FAT3: variants seen among roughly 807,000 people sequenced by gnomAD.
FAT3 encodes the protein protocadherin Fat 3.
In FAT3, 95 loss-of-function variants were observed where a neutral mutation model predicts 310.2. The ratio of observed to expected loss-of-function variants is 0.31; its 90% CI spans 0.26 to 0.36. The LOEUF is 0.36. Ranked by LOEUF, FAT3 falls within the 10% of genes least tolerant of loss-of-function variation. FAT3 has a pLI of 1.00. For missense variants in FAT3, 5,408 were observed against 5,715.6 expected, an observed-to-expected ratio of 0.95 and a Z score of 1.74; for synonymous variants, 2,314 against 2,192.9, an observed-to-expected ratio of 1.06 and a Z score of -1.54.
At position 92,889,232 on chromosome 11, in the gene FAT3, C is replaced by T. The variant is rs1421520068; in HGVS notation, c.13095C>T (p.Asp4365=). The change falls in exon 26 of 28, where the codon GAC becomes GAT. Residue 4365 remains aspartate, a synonymous_variant. Transcript: ENST00000525166. ...TTCAGCTTGTCAACAATGTAGTTGACACTATAGAGAATGAAGGTATTTACT... is the reference window on the plus strand; with the variant it reads ...TTCAGCTTGTCAACAATGTAGTTGATACTATAGAGAATGAAGGTATTTACT... ...TVIQLVNNVV[D]TIENEVSVMD... 1 of 712,218 alleles carries T rather than the reference C, an allele frequency of 1.4e-6. No homozygotes were observed. Among genetic ancestry groups the T allele is most frequent in the Non-Finnish European group, 2.6e-6 (1 of 382,888 alleles). The allele number at this position is 712,218 out of a possible 1,614,324, so 44.1% of individuals were successfully genotyped here.
intron 3 of FAT3, among the ~76,000 whole-genome samples, chr11:92,531,761 A>AT (rs201746459): frequency 3.0e-4 from 44 of 146,606 alleles, no homozygotes; most frequent in Admixed American, 8.8e-4. Context: ...ATATAGCTTC[A>AT]TTTTTTTTTT....
intron 3 of FAT3, among the ~76,000 whole-genome samples, chr11:92,636,103 A>G (rs1941759459): frequency 6.6e-6 from 1 of 152,152 alleles, no homozygotes; most frequent in South Asian, 2.1e-4. Context: ...AACTGGGACT[A>G]CAGGTGGGTG....
At chr11:92,886,098 C>T (rs1949791245) in intron 24 of FAT3, among the ~76,000 whole-genome samples, 1 of 152,218 alleles carries the variant, frequency 6.6e-6, no homozygotes, top group South Asian at 2.1e-4. Flanking sequence ...ACTGCCCTCA[C>T]TCCTTGCTGA....
intron 1 of FAT3, among the ~76,000 whole-genome samples, chr11:92,335,305 T>C (rs995914197): frequency 1.3e-5 from 2 of 152,294 alleles, no homozygotes; most frequent in African/African-American, 4.8e-5. Flanking sequence ...GATTTCAAAT[T>C]GAAGGTTTCA....
intron 6 of FAT3, among the ~76,000 whole-genome samples, chr11:92,766,186 G>A (rs542259775): frequency 9.2e-5 from 14 of 152,352 alleles, no homozygotes; most frequent in Admixed American, 4.6e-4. Context: ...TATGGCCCTT[G>A]ACAAACCAGC....
intron 1 of FAT3, among the ~76,000 whole-genome samples, chr11:92,306,587 T>G (rs1164960796): frequency 7.8e-6 from 1 of 127,912 alleles, no homozygotes; most frequent in Non-Finnish European, 1.6e-5. Flanking sequence ...TATATATTTA[T>G]ATTATATATA....
chr11:92,704,685 A>G (rs2135927741), intron 4 of FAT3, among the ~76,000 whole-genome samples: 1 of 152,308 alleles, frequency 6.6e-6, no homozygotes, highest in African/African-American at 2.4e-5. Flanking sequence ...GTGTTGTAAG[A>G]AACCAAGCCC....
At chr11:92,259,822 C>G (rs1360796109) in intron 1 of FAT3, among the ~76,000 whole-genome samples, 3 of 152,132 alleles carry the variant, frequency 2.0e-5, no homozygotes, top group African/African-American at 7.2e-5. Flanking sequence ...GGAACCTAAA[C>G]AAAATCTCCA....
chr11:92,769,921 G>A (rs1946417370), intron 6 of FAT3, among the ~76,000 whole-genome samples: 1 of 152,152 alleles, frequency 6.6e-6, no homozygotes, highest in African/African-American at 2.4e-5. Flanking sequence ...AATGAAGTAG[G>A]CCCATTGAAG....
intron 3 of FAT3, among the ~76,000 whole-genome samples, chr11:92,582,878 C>A (rs746881667): frequency 2.6e-5 from 4 of 151,996 alleles, no homozygotes; most frequent in Non-Finnish European, 5.9e-5. Context: ...CTCTTTTGAG[C>A]ACAAAAGCAA....
At chr11:92,669,502 CTT>C (rs1235699052) in intron 3 of FAT3, among the ~76,000 whole-genome samples, 1 of 152,234 alleles carries the variant, frequency 6.6e-6, no homozygotes, top group Admixed American at 6.5e-5. Flanking sequence ...CAACATCCCT[CTT>C]ATGCCTCTTG....
chr11:92,736,871 A>G (rs1288448116), intron 4 of FAT3, among the ~76,000 whole-genome samples: 2 of 152,140 alleles, frequency 1.3e-5, no homozygotes, highest in African/African-American at 4.8e-5. Context: ...GTCTGTAAAA[A>G]GAGATATGAT....
At chr11:92,396,409 A>T (rs550756194) in intron 2 of FAT3, among the ~76,000 whole-genome samples, 1 of 152,276 alleles carries the variant, frequency 6.6e-6, no homozygotes, top group South Asian at 2.1e-4. Context: ...AGAGGGGCAG[A>T]ATTTACAAGT....
chr11:92,444,666 G>C (rs958535794), intron 2 of FAT3, among the ~76,000 whole-genome samples: 6 of 137,496 alleles, frequency 4.4e-5, no homozygotes, highest in Admixed American at 7.0e-5. Flanking sequence ...TACTGGGGGG[G>C]GGGGAAAACA....
intron 20 of FAT3, 75 bp from the exon 21 acceptor site, chr11:92,859,090 T>G: frequency 7.0e-7 from 1 of 1,420,332 alleles, no homozygotes; most frequent in Non-Finnish European, 9.5e-7. Context: ...TTGGTGGTTG[T>G]TGGGTGATTT....
rs545104050 is a variant in FAT3 at position 92,491,232 on chromosome 11, A to G, written c.3293-33402A>G. ...GCTTAGTGACTCTCAGCTGGTGCCA[A>G]TTCTCCCTTCCTCCTGTCCCTAAGG... On this transcript the variant is annotated intron_variant, in intron 2 of 27. Transcript: ENST00000525166. Among the ~76,000 whole-genome samples the G allele has an allele frequency of 8.7e-4, 133 of 152,096 alleles. 1 individual carries two copies. Among genetic ancestry groups the G allele is most frequent in the Non-Finnish European group, 1.6e-3 (106 of 67,968 alleles).
intron 8 of FAT3, among the ~76,000 whole-genome samples, chr11:92,792,313 G>C (rs1333285506): frequency 6.6e-6 from 1 of 152,170 alleles, no homozygotes; most frequent in Non-Finnish European, 1.5e-5. Flanking sequence ...TGAACAGATA[G>C]GTGACAATAA....
chr11:92,800,705 A>G lies in FAT3; in HGVS notation c.7692A>G (p.Leu2564=). 6.2e-7 allele frequency: 1 copy of G among 1,613,854 alleles called. No individual in the cohort carries two copies. Residue 2564 remains leucine, a synonymous_variant, in exon 10 of 28, where the codon CTA becomes CTG. Coordinates refer to ENST00000525166, the MANE Select transcript of FAT3 (RefSeq NM_001367949.2). The part of the protein sequence containing the change: ...TTERLDRENP[L]EGDVSIFVRA... ...AAAGGCTAGACCGGGAAAACCCTCTAGAAGGGGATGTTAGTATTTTTGTGA... is the reference window on the plus strand; with the variant it reads ...AAAGGCTAGACCGGGAAAACCCTCTGGAAGGGGATGTTAGTATTTTTGTGA...
chr11:92,701,097 C>A (rs1023382083), intron 4 of FAT3, among the ~76,000 whole-genome samples: 9 of 152,062 alleles, frequency 5.9e-5, no homozygotes, highest in African/African-American at 2.2e-4. Flanking sequence ...GTTTAATTGC[C>A]GAGATAACCT....
Sources: gnomAD v4.1 joint callset for allele counts (sites outside exome capture counted in the v4.1 genomes callset) on GRCh38, gnomAD v4.1.1 for gene constraint, MANE v1.5 for transcripts, NCBI Gene and HGNC (gene_info 2026-07-23, HGNC 2026-07-21) for gene names.